Variants in MCF2L observed in about 807,000 individuals in gnomAD.
MCF2L encodes the protein MCF.2 cell line derived transforming sequence like, also known as guanine nucleotide exchange factor DBS.
MCF2L carries 97 observed loss-of-function variants against 153.4 expected under a neutral mutation model. The ratio of observed to expected loss-of-function variants is 0.63; its 90% CI spans 0.54 to 0.75. The LOEUF (loss-of-function observed/expected upper bound fraction) is 0.75, where lower values mean the gene tolerates loss of function less well. Among genes scored for constraint, MCF2L ranks in the 30% least tolerant of loss-of-function variants. The pLI is 0.00. For synonymous variants in MCF2L, 659 were observed against 632.2 expected (o/e 1.04, Z -0.64); for missense variants, 1,347 against 1,495.2 (o/e 0.90, Z 1.64).
chr13:112,980,664 C>T (rs1040730563), intron 1 of MCF2L, among the ~76,000 whole-genome samples: 5 of 152,104 alleles, frequency 3.3e-5, no homozygotes, highest in Admixed American at 2.6e-4. Context: ...CCCTTTCCCC[C>T]GCCTTGGGCA....
chr13:112,966,951 G>A (rs144686188), upstream of MCF2L, among the ~76,000 whole-genome samples: 235 of 152,298 alleles, frequency 1.5e-3, 1 homozygote, highest in African/African-American at 5.1e-3. This position sits in a 1 kb window ranked among gnomAD's most constrained non-coding sequence, Gnocchi z 4.1. Context: ...ACAAGTCCTC[G>A]GTAGATCCTG....
intron 1 of MCF2L, among the ~76,000 whole-genome samples, chr13:112,973,756 C>A (rs9549617): frequency 0.23 from 35,179 of 152,120 alleles, 4,230 homozygotes; most frequent in Middle Eastern, 0.28. Context: ...GCTTGGAGCG[C>A]CCTTCAGGGA....
intron 2 of MCF2L, among the ~76,000 whole-genome samples, chr13:113,024,059 C>G (rs542601516): frequency 6.6e-6 from 1 of 152,338 alleles, no homozygotes; most frequent in East Asian, 1.9e-4. Context: ...GTGGCAGGGT[C>G]AGTGGCCGGC....
chr13:113,016,700 C>T (rs796713779), intron 2 of MCF2L, among the ~76,000 whole-genome samples: 15 of 152,262 alleles, frequency 9.9e-5, no homozygotes, highest in African/African-American at 2.6e-4. Context: ...CCGCCAACCT[C>T]GGGGCCTTTG....
intron 17 of MCF2L, among the ~76,000 whole-genome samples, chr13:113,083,337 C>G (rs1415002847): frequency 1.3e-5 from 2 of 152,206 alleles, no homozygotes; most frequent in African/African-American, 4.8e-5. Flanking sequence ...CATCACCTCA[C>G]CTGCCACTTA....
At chr13:113,059,497 C>CGGAT (rs1278445245) in intron 4 of MCF2L, among the ~76,000 whole-genome samples, 2 of 152,334 alleles carry the variant, frequency 1.3e-5, no homozygotes, top group South Asian at 4.1e-4. Flanking sequence ...CTTAGTTATC[C>CGGAT]AGAAATCAAA....
rs931090262 is a variant in MCF2L, at chr13:113,054,054, G to A, written c.370-6539G>A. On this transcript the variant is annotated intron_variant, in intron 4 of 29. Coordinates refer to ENST00000535094, the MANE Select transcript of MCF2L (RefSeq NM_001112732.3). The surrounding 1 kb of genome is among the most constrained non-coding windows in gnomAD (Gnocchi z 5.2). ...GCTGAGAAGCCGAGGGGAGGTTCTGGGGCTTGGCTTGAGCTGCGGGGTGAG... is the reference window on the plus strand; with the variant it reads ...GCTGAGAAGCCGAGGGGAGGTTCTGAGGCTTGGCTTGAGCTGCGGGGTGAG... Among the ~76,000 whole-genome samples, 1 of 152,112 alleles carries A rather than the reference G, an allele frequency of 6.6e-6. No homozygotes were observed. The highest frequency in any genetic ancestry group is 6.6e-5 in the Admixed American group (1 of 15,262).
At position 113,096,543 on chromosome 13, in the gene MCF2L, C is replaced by G; in HGVS notation, c.3189-7C>G. On this transcript the variant is annotated splice_region_variant and splice_polypyrimidine_tract_variant and intron_variant, in intron 28 of 29. Coordinates refer to ENST00000535094, the MANE Select transcript of MCF2L (RefSeq NM_001112732.3). ...ACGTGGCTGCCGCTGACCCTCGCCC[C>G]TTGCAGGTACGTCAGGGACCCGACC... 1 of 1,601,840 alleles carries G rather than the reference C, an allele frequency of 6.2e-7. No individual in the cohort carries two copies. The highest frequency in any genetic ancestry group is 8.5e-7 in the Non-Finnish European group (1 of 1,176,200).
intron 2 of MCF2L, chr13:112,917,372 G>A (rs1489310151): frequency 2.0e-5 from 7 of 350,978 alleles, no homozygotes; most frequent in South Asian, 6.4e-5. Context: ...GCCCGTATCC[G>A]ACCTCCCGGG....
chr13:113,026,007 A>G (rs1238750163), intron 3 of MCF2L, among the ~76,000 whole-genome samples: 1 of 60,352 alleles, frequency 1.7e-5, no homozygotes, highest in African/African-American at 6.5e-5. Context: ...GTGAGGTTTC[A>G]TCATGGTGGG....
intron 13 of MCF2L, among the ~76,000 whole-genome samples, chr13:113,077,742 G>A (rs1035077864): frequency 5.9e-5 from 9 of 152,126 alleles, no homozygotes; most frequent in East Asian, 1.9e-4. Context: ...CAGGCACGGC[G>A]CCATTTCCCA....
rs2081156412 is a variant in MCF2L at position 112,904,830 on chromosome 13, A to G, written c.169+2459A>G. ...CTCCAGGTGACCTGGGGCCTTGGCA[A>G]TGTCCTAGCCCAGCTGGCTGGAGAC... On this transcript the variant is annotated intron_variant, in intron 2 of 29. Coordinates refer to the MCF2L transcript ENST00000375608. This position sits in a 1 kb window ranked among gnomAD's most constrained non-coding sequence, Gnocchi z 4.2. Among the ~76,000 whole-genome samples, 1 of 152,254 alleles carries G rather than the reference A, an allele frequency of 6.6e-6. No homozygotes were observed. The highest frequency in any genetic ancestry group is 2.4e-5 in the African/African-American group (1 of 41,474).
chr13:113,010,121 C>CCG (rs931034896), intron 1 of MCF2L: 1 of 149,964 alleles, frequency 6.7e-6, no homozygotes, highest in East Asian at 2.0e-4. Flanking sequence ...CCATACCCCC[C>CCG]CCACCCGCAC....
chr13:112,899,868 C>T (rs1414739993), intron 1 of MCF2L, among the ~76,000 whole-genome samples: 1 of 152,220 alleles, frequency 6.6e-6, no homozygotes, highest in Admixed American at 6.5e-5. Context: ...TCACCTGGAT[C>T]TTTTCCACCG....
chr13:113,090,315 C>G (rs972332701), intron 26 of MCF2L: 3 of 1,220,844 alleles, frequency 2.5e-6, no homozygotes, highest in Non-Finnish European at 3.1e-6. Context: ...GTCTCGCGCA[C>G]AGACACCAGA....
intron 1 of MCF2L, among the ~76,000 whole-genome samples, chr13:112,971,375 G>A (rs1450576176): frequency 6.6e-6 from 1 of 152,158 alleles, no homozygotes; most frequent in Admixed American, 6.5e-5. Context: ...TAGGATCCGT[G>A]CCAGGTAAAA....
intron 25 of MCF2L, 144 bp downstream of exon 25, chr13:113,088,772 C>A (rs750259805): frequency 1.2e-6 from 1 of 802,504 alleles, no homozygotes. Flanking sequence ...TATGTGCTGA[C>A]GGGTCCGTCC....
chr13:112,989,073 G>A (rs71446929), intron 1 of MCF2L, among the ~76,000 whole-genome samples: 2 of 109,300 alleles, frequency 1.8e-5, no homozygotes, highest in African/African-American at 7.0e-5. Context: ...TACCACGCCC[G>A]AGTCCTCCCT....
Position 113,070,390 on chromosome 13 carries a change from T to C in MCF2L, c.996+217T>C, listed in dbSNP as rs575288106. On this transcript the variant is annotated intron_variant, in intron 9 of 29. Coordinates refer to ENST00000535094, the MANE Select transcript of MCF2L (RefSeq NM_001112732.3). This position sits in a 1 kb window ranked among gnomAD's most constrained non-coding sequence, Gnocchi z 5.6. ...ACTGCGTCATTGTATAGAAAGGTGA[T>C]TGAAAATCAGCTCACTGGGATGCAC... 2 of 382,442 alleles carry C rather than the reference T, an allele frequency of 5.2e-6. No individual in the cohort carries two copies. The highest frequency in any genetic ancestry group is 9.9e-5 in the Admixed American group (2 of 20,120). 23.7% of individuals were successfully genotyped at this position (382,442 alleles called of 1,614,324 possible). A position where few individuals can be genotyped will look rare whatever the true frequency, so the allele number is the denominator to read the frequency against.
Sources: gnomAD v4.1 joint callset for allele counts (sites outside exome capture counted in the v4.1 genomes callset) on GRCh38, gnomAD v4.1.1 for gene constraint, Gnocchi (gnomAD v3.1) non-coding constraint, MANE v1.5 for transcripts, NCBI Gene and HGNC (gene_info 2026-07-23, HGNC 2026-07-21) for gene names.